The following NKD1 variants were observed in gnomAD, a reference collection of about 807,000 sequenced individuals.
NKD1 encodes the protein NKD inhibitor of Wnt signaling pathway 1.
NKD1 carries 21 observed loss-of-function variants against 56.0 expected under a neutral mutation model. That is an observed-to-expected ratio of 0.38 (90% CI 0.27 to 0.54). The LOEUF is 0.54. NKD1 is among the 20% of genes least tolerant of loss of function. The probability of loss-of-function intolerance (pLI) is 0.82; values close to 1 mark genes in which losing one functional copy is unlikely to be tolerated. For missense variants in NKD1, 578 were observed against 642.7 expected, an observed-to-expected ratio of 0.90 and a Z score of 1.09; for synonymous variants, 263 against 265.7, an observed-to-expected ratio of 0.99 and a Z score of 0.10.
intron 3 of NKD1, among the ~76,000 whole-genome samples, chr16:50,563,654 G>C (rs1467034363): frequency 7.0e-6 from 1 of 142,430 alleles, no homozygotes; most frequent in Non-Finnish European, 1.5e-5. Flanking sequence ...ATCCTCAGTG[G>C]GCAAGCCCTG....
intron 3 of NKD1, among the ~76,000 whole-genome samples, chr16:50,600,997 C>G (rs929308019): frequency 6.6e-6 from 1 of 152,184 alleles, no homozygotes; most frequent in Non-Finnish European, 1.5e-5. Context: ...TAAAAATAGT[C>G]CAGGAGAAAT....
Position 50,570,301 on chromosome 16 carries a change from G to A in NKD1, c.192+20746G>A, listed in dbSNP as rs535166291. 8.5e-5 allele frequency among the ~76,000 whole-genome samples: 13 copies of A among 152,234 alleles called. No homozygotes were observed. In the South Asian group the frequency reaches 2.5e-3, roughly 29 times the overall value. ...TGGGGATGATGTTGACCCCAAGGAG[G>A]CAGAAATTGGTTCTTGGGGGGCAAA... On this transcript the variant is annotated intron_variant, in intron 3 of 9. Transcript: ENST00000268459.
At chr16:50,601,658 G>A (rs1006059439) in intron 3 of NKD1, among the ~76,000 whole-genome samples, 2 of 152,222 alleles carry the variant, frequency 1.3e-5, no homozygotes, top group Non-Finnish European at 2.9e-5. Context: ...CAGCTCCCGA[G>A]GGAGGGGTCC....
chr16:50,578,194 AAG>A (rs1178787242), intron 3 of NKD1, among the ~76,000 whole-genome samples: 3 of 152,148 alleles, frequency 2.0e-5, no homozygotes, highest in African/African-American at 7.2e-5. Flanking sequence ...AAAGGGGAAT[AAG>A]AGAGTAGAAA....
chr16:50,574,978 A>T (rs1960961419), intron 3 of NKD1: 2 of 985,274 alleles, frequency 2.0e-6, no homozygotes, highest in Admixed American at 1.2e-4. Context: ...CTTTAAAAGC[A>T]TAACCCTGGT....
intron 6 of NKD1, among the ~76,000 whole-genome samples, chr16:50,627,643 C>T (rs959859024): frequency 2.6e-5 from 4 of 152,236 alleles, no homozygotes; most frequent in Non-Finnish European, 2.9e-5. Flanking sequence ...CATCTGCAGC[C>T]CAGAGCTGGG....
chr16:50,629,208 C>T lies in NKD1; in HGVS notation c.463-978C>T, dbSNP rs534130817. 2.6e-5 allele frequency among the ~76,000 whole-genome samples: 4 copies of T among 152,198 alleles called. No individual in the cohort carries two copies. The South Asian group carries it at 8.3e-4, about 32-fold the overall frequency. On this transcript the variant is annotated intron_variant, in intron 6 of 9. Coordinates refer to ENST00000268459, the MANE Select transcript of NKD1 (RefSeq NM_033119.5). ...GAACTTCTGGGCTGAAGTGATCCTC[C>T]CACTTTGGCCTCCCAAAGTGCTGGG...
chr16:50,627,304 C>T (rs1361686240), intron 6 of NKD1, among the ~76,000 whole-genome samples: 4 of 152,178 alleles, frequency 2.6e-5, no homozygotes, highest in African/African-American at 9.7e-5. Context: ...AGCTCTATTT[C>T]CCTTCTTGTG....
intron 3 of NKD1, among the ~76,000 whole-genome samples, chr16:50,560,761 A>G (rs768798670): frequency 1.5e-4 from 23 of 151,894 alleles, no homozygotes; most frequent in Non-Finnish European, 7.4e-5. Context: ...TGTTTTGTGT[A>G]ATTTTTTGTT....
rs138964473 is a variant in NKD1 at position 50,598,262 on chromosome 16, T to TGTGTGTGTGTGTGTGTGTGCGCGC, written c.193-10031_193-10030insTGTGTGTGTGTGTGTGTGCGCGCG. 5.4e-5 allele frequency among the ~76,000 whole-genome samples: 8 copies of TGTGTGTGTGTGTGTGTGTGCGCGC among 148,670 alleles called. No homozygotes were observed. The highest frequency in any genetic ancestry group is 2.0e-4 in the African/African-American group (8 of 39,162). On this transcript the variant is annotated intron_variant, in intron 3 of 9. Transcript: ENST00000268459. This position sits in a 1 kb window ranked among gnomAD's most constrained non-coding sequence, Gnocchi z 4.2. ...GTGTGTGTGTGTGTGTGTGTGTGTG[T>TGTGTGTGTGTGTGTGTGTGCGCGC]GCGCGCACACCTGTGCTCATGGACA...
chr16:50,557,973 A>T (rs1960538717), intron 3 of NKD1: 1 of 152,234 alleles, frequency 6.6e-6, no homozygotes, highest in South Asian at 2.1e-4. Flanking sequence ...TCAGTGGGAG[A>T]CATCTGAGAG....
chr16:50,594,399 C>T (rs1018680370), intron 3 of NKD1, among the ~76,000 whole-genome samples: 2 of 152,176 alleles, frequency 1.3e-5, no homozygotes, highest in Non-Finnish European at 1.5e-5. Flanking sequence ...TCCAACTACC[C>T]GCGTAGTTCA....
intron 4 of NKD1, among the ~76,000 whole-genome samples, chr16:50,616,620 G>A (rs1961966651): frequency 6.6e-6 from 1 of 152,180 alleles, no homozygotes; most frequent in Non-Finnish European, 1.5e-5. Flanking sequence ...CAACCCGGGA[G>A]CAGAAGCCTA....
chr16:50,561,167 G>T (rs528280068), intron 3 of NKD1, among the ~76,000 whole-genome samples: 67 of 152,106 alleles, frequency 4.4e-4, no homozygotes, highest in Admixed American at 1.2e-3. Flanking sequence ...ATGGAGGGGG[G>T]GCCCATGGCT....
chr16:50,609,889 A>C (rs1046061833), intron 4 of NKD1, among the ~76,000 whole-genome samples: 1 of 152,266 alleles, frequency 6.6e-6, no homozygotes, highest in Non-Finnish European at 1.5e-5. Context: ...TGTGAAAAAA[A>C]GGCACCAGAC....
chr16:50,646,367 A>AAG lies in NKD1; in HGVS notation c.*12589_*12590dup, dbSNP rs1055329004. 1 of 78,218 alleles carries AAG rather than the reference A, an allele frequency of 1.3e-5. No individual in the cohort carries two copies. The highest frequency in any genetic ancestry group is 3.0e-5 in the Non-Finnish European group (1 of 33,114). 4.8% of individuals were successfully genotyped at this position (78,218 alleles called of 1,614,324 possible). The stretch of plus-strand genomic sequence containing the variant: ...GTTTCCAAAAAAGACGAGGAAGAAA[A>AAG]AGAGGGGGGGGGGAGAGAGAACGAA... On this transcript the variant is annotated 3_prime_UTR_variant, in exon 10 of 10. Coordinates refer to ENST00000268459, the MANE Select transcript of NKD1 (RefSeq NM_033119.5).
chr16:50,620,059 A>G (rs1962051650), intron 4 of NKD1, among the ~76,000 whole-genome samples: 1 of 152,282 alleles, frequency 6.6e-6, no homozygotes, highest in Non-Finnish European at 1.5e-5. Context: ...AAATGGAGGT[A>G]ATCGTAATAA....
At chr16:50,571,964 G>A (rs1035794524) in intron 3 of NKD1, among the ~76,000 whole-genome samples, 4 of 151,996 alleles carry the variant, frequency 2.6e-5, no homozygotes, top group Admixed American at 6.6e-5. Context: ...CGTCCCAGCC[G>A]CCCTGCTCCC....
chr16:50,629,201 G>T (rs566890082), intron 6 of NKD1, among the ~76,000 whole-genome samples: 2 of 152,182 alleles, frequency 1.3e-5, no homozygotes, highest in East Asian at 3.9e-4. Flanking sequence ...GGGCTGAAGT[G>T]ATCCTCCCAC....
Sources: allele counts gnomAD v4.1 joint callset (sites outside exome capture counted in the v4.1 genomes callset), GRCh38; gene constraint gnomAD v4.1.1; non-coding constraint Gnocchi (gnomAD v3.1); transcripts MANE v1.5; gene names NCBI Gene and HGNC (gene_info 2026-07-23, HGNC 2026-07-21).